Variants in TBC1D9B observed in about 807,000 individuals in gnomAD.
TBC1D9B encodes the protein TBC1 domain family, member 9B (with GRAM domain).
In TBC1D9B, 87 loss-of-function variants were observed where a neutral mutation model predicts 121.1. The observed-to-expected ratio is 0.72, with a 90% CI of 0.60 to 0.86. The LOEUF is 0.86. TBC1D9B is among the 40% of genes least tolerant of loss of function. The pLI, the probability that TBC1D9B is intolerant of heterozygous loss-of-function variation, is 0.00. For synonymous variants in TBC1D9B, 668 were observed against 670.1 expected (o/e 1.00, Z 0.05); for missense variants, 1,540 against 1,628.6 (o/e 0.95, Z 0.94).
chr5:179,865,857 ACTTC>A lies in TBC1D9B; in HGVS notation c.2891_2894del (p.Gly964ValfsTer41). The A allele has an allele frequency of 6.2e-7, 1 of 1,611,846 alleles. No individual in the cohort carries two copies. Among genetic ancestry groups the A allele is most frequent in the East Asian group, 2.2e-5 (1 of 44,868 alleles). Reference sequence around the variant, plus strand: ...CTGTACCTCCTCTCTCCTCACTTCCACTTCCTTCTTGCTCTTCCTGTGGTAGTGC... The same window carrying A: ...CTGTACCTCCTCTCTCCTCACTTCCACTTCTTGCTCTTCCTGTGGTAGTGC... On this transcript the variant is annotated frameshift_variant, in exon 19 of 21. Transcript: ENST00000355235. LOFTEE classifies it high-confidence loss of function. The surrounding 1 kb of genome is among the most constrained non-coding windows in gnomAD (Gnocchi z 5.1).
rs183573906 is a variant in TBC1D9B at position 179,904,296 on chromosome 5, C to T, written c.229+406G>A. Among the ~76,000 whole-genome samples the T allele has an allele frequency of 0.016, 2,433 of 147,600 alleles. 66 individuals carry two copies. The highest frequency in any genetic ancestry group is 0.059 in the African/African-American group (2,308 of 38,816). ...CTGGAGTGCAGTGGCGCGATCTCGG[C>T]TCACTGCAAGCTCCGCCTCCCGGGT... On this transcript the variant is annotated intron_variant, in intron 2 of 20. Coordinates refer to ENST00000355235, the MANE Select transcript of TBC1D9B (RefSeq NM_015043.4). This position sits in a 1 kb window ranked among gnomAD's most constrained non-coding sequence, Gnocchi z 4.2.
chr5:179,894,122 G>A (rs919531680), intron 4 of TBC1D9B, among the ~76,000 whole-genome samples: 1 of 152,176 alleles, frequency 6.6e-6, no homozygotes, highest in African/African-American at 2.4e-5. Context: ...GCCTGAATAC[G>A]CCAGTTCAGC....
intron 2 of TBC1D9B, among the ~76,000 whole-genome samples, chr5:179,901,612 T>C (rs146866893): frequency 2.1e-3 from 313 of 152,122 alleles, no homozygotes; most frequent in African/African-American, 7.2e-3. Flanking sequence ...TGGCTGTCTC[T>C]ACAAAAAATA....
chr5:179,867,306 T>G, intron 18 of TBC1D9B: 1 of 992,372 alleles, frequency 1.0e-6, no homozygotes, highest in Middle Eastern at 3.1e-4. Flanking sequence ...GTGGCTTGCT[T>G]CTGGGTCCTT....
chr5:179,884,608 G>A (rs1331230377), intron 7 of TBC1D9B: 1 of 152,194 alleles, frequency 6.6e-6, no homozygotes, highest in East Asian at 1.9e-4. Context: ...ATAGCCATGA[G>A]GTGGAAGCAG....
Position 179,891,674 on chromosome 5 carries a change from C to T in TBC1D9B, c.837-88G>A. On this transcript the variant is annotated intron_variant, in intron 5 of 20. Coordinates refer to ENST00000355235, the MANE Select transcript of TBC1D9B (RefSeq NM_015043.4). The surrounding 1 kb of genome is among the most constrained non-coding windows in gnomAD (Gnocchi z 4.3). ...AGGAAGCCTTGGGGCCTCCCCAGGC[C>T]TGTTTCCACATCAGATTCAGGATCC... 2 of 1,430,008 alleles carry T rather than the reference C, an allele frequency of 1.4e-6. No homozygotes were observed. Among genetic ancestry groups the T allele is most frequent in the Non-Finnish European group, 1.9e-6 (2 of 1,039,188 alleles). 88.6% of individuals were successfully genotyped at this position (1,430,008 alleles called of 1,614,324 possible).
In TBC1D9B at chr5:179,864,117, A is replaced by G. The variant is rs771463638; in HGVS notation, c.3033T>C (p.Ile1011=). 12 of 1,601,330 alleles carry G rather than the reference A, an allele frequency of 7.5e-6. No individual in the cohort carries two copies. In the Admixed American group the frequency reaches 2.0e-4, roughly 27 times the overall value. ...DLPKMNQEQF[I]ELCKTLYNMF... is the part of the protein sequence containing the mutation. ...TGTTGTAAAGCGTCTTGCACAGCTC[A>G]ATGAACTGCTCCTTTTAGGGAGAAA... The change falls in exon 21 of 21, where the codon ATT becomes ATC. Residue 1011 remains isoleucine, a synonymous_variant. Transcript: ENST00000355235.
At chr5:179,889,871 CAAAA>C (rs397883158) in intron 6 of TBC1D9B, among the ~76,000 whole-genome samples, 2 of 48,918 alleles carry the variant, frequency 4.1e-5, no homozygotes, top group Non-Finnish European at 3.5e-5. Flanking sequence ...GACCCTGTCT[CAAAA>C]AAAAAAAAAA....
chr5:179,870,729 G>A lies in TBC1D9B; in HGVS notation c.2485-234C>T, dbSNP rs576770652. 1.5e-5 allele frequency: 9 copies of A among 612,926 alleles called. No individual in the cohort carries two copies. The African/African-American group carries it at 1.7e-4, about 11-fold the overall frequency. 38.0% of individuals were successfully genotyped at this position (612,926 alleles called of 1,614,324 possible). A position where few individuals can be genotyped will look rare whatever the true frequency, so the allele number is the denominator to read the frequency against. On this transcript the variant is annotated intron_variant, in intron 15 of 20. Transcript: ENST00000355235. ...GACAGAGTCCTTGGCAGCCTGCAGGGGGCAGAGCTGGTCTGCTGGCCCCAG... is the reference window on the plus strand; with the variant it reads ...GACAGAGTCCTTGGCAGCCTGCAGGAGGCAGAGCTGGTCTGCTGGCCCCAG...
intron 2 of TBC1D9B, among the ~76,000 whole-genome samples, chr5:179,901,129 C>A (rs965303509): frequency 6.6e-6 from 1 of 152,188 alleles, no homozygotes; most frequent in Non-Finnish European, 1.5e-5. Flanking sequence ...GGGGAGGATG[C>A]CCACGGGAAA....
chr5:179,870,152 C>G lies in TBC1D9B; in HGVS notation c.2725+103G>C, dbSNP rs186092148. On this transcript the variant is annotated intron_variant, in intron 16 of 20. Transcript: ENST00000355235. ...TAGGGCCAGGGGCTCAAGCTGCCCC[C>G]TACTTGCTGCAGGGGGAACAGACAG... The G allele has an allele frequency of 1.9e-4, 294 of 1,546,080 alleles. 3 individuals are homozygous for G. In the African/African-American group the frequency reaches 3.6e-3, roughly 19 times the overall value.
chr5:179,871,411 C>CAGGAAGCT (rs746804862), intron 15 of TBC1D9B, 51 bp downstream of exon 15: 6 of 1,574,008 alleles, frequency 3.8e-6, no homozygotes, highest in South Asian at 2.2e-5. Context: ...TCTTTTCTGG[C>CAGGAAGCT]AGGAAGCTAG....
rs1464350251 is a variant in TBC1D9B, at chr5:179,878,365, G to C, written c.1726C>G (p.Leu576Val). ...GCATAGGCAGTCAGCACCCGCCGGA[G>C]GGCAGCAATCCCCAGCTCGTTCTGG... ...AFQNELGIAA[L>V]RRVLTAYAFR... The change falls in exon 10 of 21, where the codon CTC (leucine) becomes GTC (valine). Residue 576 changes from leucine to valine, a missense_variant. By Grantham distance (32) the Leu-to-Val change is conservative. Coordinates refer to ENST00000355235, the MANE Select transcript of TBC1D9B (RefSeq NM_015043.4). The C allele has an allele frequency of 2.5e-6, 4 of 1,613,896 alleles. No individual in the cohort carries two copies. In the Admixed American group the frequency reaches 5.0e-5, roughly 20 times the overall value.
intron 2 of TBC1D9B, among the ~76,000 whole-genome samples, chr5:179,900,090 T>C (rs759604120): frequency 1.3e-5 from 2 of 152,078 alleles, no homozygotes; most frequent in Non-Finnish European, 2.9e-5. Flanking sequence ...CGTGGTGGCA[T>C]GCACCTGTGG....
intron 2 of TBC1D9B, among the ~76,000 whole-genome samples, chr5:179,900,375 G>A (rs1761134128): frequency 6.6e-6 from 1 of 152,172 alleles, no homozygotes; most frequent in Admixed American, 6.5e-5. Flanking sequence ...ACCTGTTTCT[G>A]GGGTTTTGCC....
chr5:179,907,191 G>C lies in TBC1D9B; in HGVS notation c.118+513C>G, dbSNP rs1197184164. ...TGGGGGAGGAGAAGCTGGGGGAATG[G>C]GGGTGCGGCCAGCTCCAGGGACCTC... On this transcript the variant is annotated intron_variant, in intron 1 of 20. Transcript: ENST00000355235. The surrounding 1 kb of genome is among the most constrained non-coding windows in gnomAD (Gnocchi z 5.3). Among the ~76,000 whole-genome samples, 1 of 152,190 alleles carries C rather than the reference G, an allele frequency of 6.6e-6. No homozygotes were observed. Among genetic ancestry groups the C allele is most frequent in the African/African-American group, 2.4e-5 (1 of 41,458 alleles).
rs200714163 is a variant in TBC1D9B at position 179,891,955 on chromosome 5, G to A, written c.837-369C>T. ...GGATCCCACTCAGATGGAGGGCCCC[G>A]GGCAGCTCTTCCACCCTGGGCAGGC... On this transcript the variant is annotated intron_variant, in intron 5 of 20. Transcript: ENST00000355235. This position sits in a 1 kb window ranked among gnomAD's most constrained non-coding sequence, Gnocchi z 4.3. Among the ~76,000 whole-genome samples the A allele has an allele frequency of 3.3e-5, 5 of 152,274 alleles. No individual in the cohort carries two copies. The highest frequency in any genetic ancestry group is 3.9e-4 in the East Asian group (2 of 5,166).
chr5:179,898,822 G>A (rs144684823), intron 3 of TBC1D9B, among the ~76,000 whole-genome samples: 2 of 152,308 alleles, frequency 1.3e-5, no homozygotes, highest in Non-Finnish European at 2.9e-5. Context: ...TGGGTAAAGG[G>A]CATGTGTCTT....
chr5:179,879,031 G>C lies in TBC1D9B; in HGVS notation c.1567+16C>G. On this transcript the variant is annotated intron_variant, in intron 9 of 20. Transcript: ENST00000355235. ...ACTGGCTGAGCTGAGGCTGGGGGTG[G>C]CTGCACCCCACTCACCGGAGAAGAG... The C allele has an allele frequency of 6.3e-7, 1 of 1,597,930 alleles. No individual in the cohort carries two copies. The highest frequency in any genetic ancestry group is 8.5e-7 in the Non-Finnish European group (1 of 1,178,434).
Sources: gnomAD v4.1 joint callset for allele counts (sites outside exome capture counted in the v4.1 genomes callset) on GRCh38, gnomAD v4.1.1 for gene constraint, Gnocchi (gnomAD v3.1) non-coding constraint, MANE v1.5 for transcripts, NCBI Gene and HGNC (gene_info 2026-07-23, HGNC 2026-07-21) for gene names.